Variants in SNAPC1 observed in about 807,000 individuals in gnomAD.
SNAPC1 encodes the protein snRNA-activating protein complex subunit 1.
SNAPC1 carries 42 observed loss-of-function variants against 50.1 expected under a neutral mutation model. That is an observed-to-expected ratio of 0.84 (90% CI 0.65 to 1.08). The LOEUF (loss-of-function observed/expected upper bound fraction) is 1.08. SNAPC1 is among the 50% of genes least tolerant of loss of function. The pLI is 0.00. For missense variants in SNAPC1, 477 were observed against 427.3 expected (o/e 1.12, Z -1.02); for synonymous variants, 164 against 144.2 (o/e 1.14, Z -0.98).
intron 8 of SNAPC1, among the ~76,000 whole-genome samples, chr14:61,791,775 G>C (rs552069762): frequency 3.4e-4 from 52 of 152,242 alleles, no homozygotes; most frequent in African/African-American, 1.1e-3. Context: ...TTTAAGCCTG[G>C]GAGGCGGAGG....
intron 8 of SNAPC1, among the ~76,000 whole-genome samples, chr14:61,788,254 C>G (rs1384683298): frequency 1.3e-5 from 2 of 152,160 alleles, no homozygotes; most frequent in African/African-American, 4.8e-5. Flanking sequence ...ACTAATCCAG[C>G]TAAGGTATTG....
At chr14:61,767,937 G>T (rs1387268447) in intron 3 of SNAPC1, among the ~76,000 whole-genome samples, 1 of 152,048 alleles carries the variant, frequency 6.6e-6, no homozygotes, top group African/African-American at 2.4e-5. Context: ...CCTCCACCAC[G>T]CCTAGCTAAT....
chr14:61,775,686 T>C (rs1223278230), intron 4 of SNAPC1, among the ~76,000 whole-genome samples: 1 of 152,202 alleles, frequency 6.6e-6, no homozygotes, highest in East Asian at 1.9e-4. Context: ...CAGCAGAGCA[T>C]AAAGGACTAT....
rs71117854 is a variant in SNAPC1 at position 61,763,486 on chromosome 14, CTT to C, written c.128+917_128+918del. 5.5e-3 allele frequency among the ~76,000 whole-genome samples: 535 copies of C among 97,986 alleles called. 1 individual carries two copies. The highest frequency in any genetic ancestry group is 8.3e-3 in the Non-Finnish European group (416 of 50,156). 64.3% of individuals were successfully genotyped at this position (97,986 alleles called of 152,430 possible). A position where few individuals can be genotyped will look rare whatever the true frequency, so the allele number is the denominator to read the frequency against. On this transcript the variant is annotated intron_variant, in intron 1 of 9. Transcript: ENST00000216294. The stretch of plus-strand genomic sequence containing the variant: ...ACTCACTTTCTTGCTCCAGCAGCTG[CTT>C]TTTTTTTTTTTTTTTTTTCTTTGGG...
chr14:61,767,078 C>G, intron 2 of SNAPC1, 43 bp downstream of exon 2: 1 of 1,300,010 alleles, frequency 7.7e-7, no homozygotes, highest in Non-Finnish European at 1.0e-6. Context: ...AAATGTAAAA[C>G]AAGTACCATA....
At chr14:61,773,198 G>C (rs1299214746) in intron 4 of SNAPC1, among the ~76,000 whole-genome samples, 1 of 151,506 alleles carries the variant, frequency 6.6e-6, no homozygotes, top group African/African-American at 2.4e-5. Context: ...CAAAACATTT[G>C]ACTTCTAATT....
intron 1 of SNAPC1, among the ~76,000 whole-genome samples, chr14:61,765,843 TTCC>T (rs1230543757): frequency 1.3e-5 from 2 of 152,222 alleles, no homozygotes; most frequent in Non-Finnish European, 2.9e-5. Flanking sequence ...CTCTTCTCCC[TTCC>T]TCCTCCTTTC....
In SNAPC1 at chr14:61,795,773, C is replaced by T. The variant is rs1333866777; in HGVS notation, c.*790C>T. The T allele has an allele frequency of 6.6e-6, 1 of 150,854 alleles. No individual in the cohort carries two copies. Among genetic ancestry groups the T allele is most frequent in the African/African-American group, 2.4e-5 (1 of 41,152 alleles). The allele number at this position is 150,854 out of a possible 1,614,324, so 9.3% of individuals were successfully genotyped here. A position where few individuals can be genotyped will look rare whatever the true frequency, so the allele number is the denominator to read the frequency against. ...CACTCTGTTAATTTCTTGTTCCAGA[C>T]ATTTTAATAGAGATTGCTTGAGCCA... is the stretch of plus-strand genomic sequence containing the variant. On this transcript the variant is annotated 3_prime_UTR_variant, in exon 10 of 10. Transcript: ENST00000216294.
chr14:61,773,525 G>C (rs1350885545), intron 4 of SNAPC1, among the ~76,000 whole-genome samples: 1 of 149,550 alleles, frequency 6.7e-6, no homozygotes, highest in Non-Finnish European at 1.5e-5. Context: ...CTGCTGAGTA[G>C]ATGGGACCAC....
At chr14:61,792,473 A>C (rs909536961) in intron 8 of SNAPC1, among the ~76,000 whole-genome samples, 1 of 152,164 alleles carries the variant, frequency 6.6e-6, no homozygotes. Flanking sequence ...TTGAAGTAAC[A>C]TATGTGATTA....
At chr14:61,770,039 T>C (rs2044976424) in intron 4 of SNAPC1, among the ~76,000 whole-genome samples, 2 of 152,154 alleles carry the variant, frequency 1.3e-5, no homozygotes, top group South Asian at 4.1e-4. Context: ...TTTTATTTCA[T>C]TCGGTTGTTC....
At chr14:61,779,656 A>G (rs1209955880) in intron 7 of SNAPC1, among the ~76,000 whole-genome samples, 3 of 131,816 alleles carry the variant, frequency 2.3e-5, no homozygotes, top group African/African-American at 8.6e-5. Context: ...GGTTCCTCCC[A>G]TTTCCTTTGA....
intron 1 of SNAPC1, among the ~76,000 whole-genome samples, chr14:61,765,907 T>C (rs960741962): frequency 6.6e-6 from 1 of 152,194 alleles, no homozygotes; most frequent in African/African-American, 2.4e-5. Flanking sequence ...GGTTACTTTG[T>C]GCTGTTTCTC....
intron 3 of SNAPC1, 110 bp downstream of exon 3, chr14:61,767,462 C>CT: frequency 1.7e-6 from 1 of 602,006 alleles, no homozygotes; most frequent in Non-Finnish European, 2.5e-6. Flanking sequence ...GTGTTCAAGA[C>CT]TTTTAGCTTT....
chr14:61,784,871 A>G (rs2045104403), intron 8 of SNAPC1, among the ~76,000 whole-genome samples: 1 of 152,186 alleles, frequency 6.6e-6, no homozygotes, highest in South Asian at 2.1e-4. Context: ...AAGAGAGTGA[A>G]GGGAGATATG....
Position 61,794,938 on chromosome 14 carries a change from T to A in SNAPC1, c.1073-11T>A, listed in dbSNP as rs751371177. ...TTAGATCTGACTGACTTTTAAACTT[T>A]ATGTCTTTAGAGTTCACTGCATCCA... On this transcript the variant is annotated splice_polypyrimidine_tract_variant and intron_variant, in intron 9 of 9. Coordinates refer to ENST00000216294, the MANE Select transcript of SNAPC1 (RefSeq NM_003082.4). 6.3e-7 allele frequency: 1 copy of A among 1,581,078 alleles called. No individual in the cohort carries two copies. The highest frequency in any genetic ancestry group is 1.8e-5 in the Admixed American group (1 of 56,290).
intron 8 of SNAPC1, among the ~76,000 whole-genome samples, chr14:61,786,579 C>T (rs1369993995): frequency 6.6e-6 from 1 of 151,920 alleles, no homozygotes; most frequent in Non-Finnish European, 1.5e-5. Context: ...AAATTAAAAC[C>T]ACAGTGACAC....
intron 4 of SNAPC1, among the ~76,000 whole-genome samples, chr14:61,769,761 A>G (rs937070389): frequency 2.0e-5 from 3 of 152,136 alleles, no homozygotes; most frequent in African/African-American, 7.2e-5. Flanking sequence ...TATTTTGATA[A>G]TATATTTTCG....
chr14:61,775,770 TGC>T lies in SNAPC1; in HGVS notation c.535-324_535-323del, dbSNP rs2045031107. On this transcript the variant is annotated intron_variant, in intron 4 of 9. Coordinates refer to ENST00000216294, the MANE Select transcript of SNAPC1 (RefSeq NM_003082.4). ...AGTAGTGATATTTAATGATATGTCA[TGC>T]TACAAATAATTGTGATATTCTAGAA... 2.6e-5 allele frequency among the ~76,000 whole-genome samples: 4 copies of T among 152,342 alleles called. No individual in the cohort carries two copies. The South Asian group carries it at 8.3e-4, about 32-fold the overall frequency.
Sources: allele counts gnomAD v4.1 joint callset (sites outside exome capture counted in the v4.1 genomes callset), GRCh38; gene constraint gnomAD v4.1.1; transcripts MANE v1.5; gene names NCBI Gene and HGNC (gene_info 2026-07-23, HGNC 2026-07-21).